PDGFC: variants seen among roughly 807,000 people sequenced by gnomAD.
The protein encoded by PDGFC is platelet derived growth factor C.
A neutral mutation model predicts 35.5 loss-of-function variants in PDGFC; 12 were observed. The observed-to-expected ratio is 0.34, with a 90% CI of 0.22 to 0.55. PDGFC has a LOEUF of 0.55. Ranked by LOEUF, PDGFC falls within the 20% of genes least tolerant of loss-of-function variation. The pLI is 0.91. For missense variants in PDGFC, 322 were observed against 412.4 expected (o/e 0.78, Z 1.90); for synonymous variants, 159 against 148.8 (o/e 1.07, Z -0.50).
chr4:156,821,492 C>T (rs1196479027), intron 2 of PDGFC, among the ~76,000 whole-genome samples: 1 of 151,944 alleles, frequency 6.6e-6, no homozygotes, highest in African/African-American at 2.4e-5. Flanking sequence ...ACTCCCACCT[C>T]GGCCGCCCAA....
At position 156,814,579 on chromosome 4, in the gene PDGFC, T is replaced by A. The variant is rs561938633; in HGVS notation, c.315-3562A>T. The stretch of plus-strand genomic sequence containing the variant: ...ATTTTCTTGAGACCATTTTTCAAAA[T>A]AACCATTTTAATCTTCCTAATAAAA... On this transcript the variant is annotated intron_variant, in intron 2 of 5. Transcript: ENST00000502773. 3.3e-5 allele frequency among the ~76,000 whole-genome samples: 5 copies of A among 152,220 alleles called. 1 individual carries two copies. In the South Asian group the frequency reaches 1.0e-3, roughly 32 times the overall value.
At position 156,880,766 on chromosome 4, in the gene PDGFC, A is replaced by T. The variant is rs138061052; in HGVS notation, c.119-30350T>A. 2.4e-3 allele frequency among the ~76,000 whole-genome samples: 363 copies of T among 152,308 alleles called. 1 individual carries two copies. Among genetic ancestry groups the T allele is most frequent in the African/African-American group, 8.4e-3 (349 of 41,566 alleles). ...AATAAAAAGAGATGTGAAAATAGCA[A>T]GAGAAAGAAATTTAGAAGTGGAGCC... On this transcript the variant is annotated intron_variant, in intron 1 of 5. Coordinates refer to ENST00000502773, the MANE Select transcript of PDGFC (RefSeq NM_016205.3).
intron 1 of PDGFC, among the ~76,000 whole-genome samples, chr4:156,917,381 A>T (rs1731177476): frequency 6.6e-6 from 1 of 152,182 alleles, no homozygotes; most frequent in African/African-American, 2.4e-5. Flanking sequence ...TGAACTTCTG[A>T]GATAAGGCAG....
At chr4:156,961,257 A>T (rs1300040406) in intron 1 of PDGFC, among the ~76,000 whole-genome samples, 1 of 152,112 alleles carries the variant, frequency 6.6e-6, no homozygotes, top group Non-Finnish European at 1.5e-5. Context: ...AATTATGACT[A>T]CTTAAAAGAC....
intron 1 of PDGFC, among the ~76,000 whole-genome samples, chr4:156,920,644 A>AACACACACAT (rs1731251497): frequency 7.6e-6 from 1 of 132,002 alleles, no homozygotes; most frequent in East Asian, 2.2e-4. Flanking sequence ...AGGAAAAGAA[A>AACACACACAT]ACACACACAC....
In PDGFC at chr4:156,900,683, A is replaced by C. The variant is rs370869100; in HGVS notation, c.119-50267T>G. Among the ~76,000 whole-genome samples, 9 of 152,206 alleles carry C rather than the reference A, an allele frequency of 5.9e-5. No individual in the cohort carries two copies. In the East Asian group the frequency reaches 1.2e-3, roughly 20 times the overall value. ...TGGCAAAACATCATCTCTACAAAAA[A>C]TATTTTAAAAATTAGCTGGGCATGG... On this transcript the variant is annotated intron_variant, in intron 1 of 5. Transcript: ENST00000502773.
At chr4:156,872,538 A>G (rs1007762725) in intron 1 of PDGFC, among the ~76,000 whole-genome samples, 4 of 152,180 alleles carry the variant, frequency 2.6e-5, no homozygotes, top group Non-Finnish European at 5.9e-5. Flanking sequence ...CCTGATGCAC[A>G]TCCTTCAGAC....
At chr4:156,867,493 G>C (rs1361273776) in intron 1 of PDGFC, among the ~76,000 whole-genome samples, 1 of 152,182 alleles carries the variant, frequency 6.6e-6, no homozygotes, top group Non-Finnish European at 1.5e-5. Flanking sequence ...TGATGGTCAT[G>C]GTAGTGAAAG....
At chr4:156,834,240 A>G (rs1729010247) in intron 2 of PDGFC, among the ~76,000 whole-genome samples, 1 of 152,154 alleles carries the variant, frequency 6.6e-6, no homozygotes. Flanking sequence ...GAGTGTCACA[A>G]TTTGCAGCAT....
At chr4:156,962,867 T>C (rs1272508249) in intron 1 of PDGFC, among the ~76,000 whole-genome samples, 1 of 152,098 alleles carries the variant, frequency 6.6e-6, no homozygotes, top group African/African-American at 2.4e-5. Context: ...GAGTCATTAT[T>C]AAGCAATGCA....
At chr4:156,906,213 T>A (rs1730912346) in intron 1 of PDGFC, among the ~76,000 whole-genome samples, 1 of 152,132 alleles carries the variant, frequency 6.6e-6, no homozygotes. Context: ...TACAAATCAC[T>A]TAAAAATACT....
At chr4:156,804,634 A>T (rs1391773518) in intron 3 of PDGFC, among the ~76,000 whole-genome samples, 3 of 152,010 alleles carry the variant, frequency 2.0e-5, no homozygotes, top group Non-Finnish European at 4.4e-5. Context: ...GTTATCAGAG[A>T]CCAAGGGAGA....
intron 1 of PDGFC, among the ~76,000 whole-genome samples, chr4:156,951,688 A>G (rs1041566207): frequency 1.3e-5 from 2 of 151,374 alleles, no homozygotes; most frequent in Non-Finnish European, 1.5e-5. Context: ...GGTCCTTCTT[A>G]ATTTAGCTAA....
chr4:156,765,477 C>A (rs1356966708), intron 5 of PDGFC, among the ~76,000 whole-genome samples: 1 of 152,116 alleles, frequency 6.6e-6, no homozygotes, highest in Non-Finnish European at 1.5e-5. Context: ...TTGCTCAACA[C>A]GTTCAAACAA....
At chr4:156,824,414 A>G (rs879638205) in intron 2 of PDGFC, among the ~76,000 whole-genome samples, 1 of 151,028 alleles carries the variant, frequency 6.6e-6, no homozygotes, top group Admixed American at 6.6e-5. Flanking sequence ...ACATATATAC[A>G]CACACACATA....
intron 1 of PDGFC, among the ~76,000 whole-genome samples, chr4:156,865,691 T>G (rs7687106): frequency 0.13 from 20,524 of 152,124 alleles, 1,706 homozygotes; most frequent in African/African-American, 0.23. Flanking sequence ...ATAAAAATCG[T>G]GAACCCCACC....
intron 1 of PDGFC, among the ~76,000 whole-genome samples, chr4:156,859,937 T>C (rs894764548): frequency 6.6e-6 from 1 of 152,178 alleles, no homozygotes; most frequent in African/African-American, 2.4e-5. Flanking sequence ...TTAAGTATCC[T>C]TTATTCTAGA....
At position 156,882,264 on chromosome 4, in the gene PDGFC, A is replaced by C. The variant is rs1048550611; in HGVS notation, c.119-31848T>G. ...ACCTAACTTTGAATTTTGTGTAGTT[A>C]TTCATAATTCTAATCAAAGAATGCT... On this transcript the variant is annotated intron_variant, in intron 1 of 5. Transcript: ENST00000502773. 2.0e-5 allele frequency among the ~76,000 whole-genome samples: 3 copies of C among 152,202 alleles called. No individual in the cohort carries two copies. In the South Asian group the frequency reaches 6.2e-4, roughly 31 times the overall value.
At chr4:156,953,055 A>G (rs1732120302) in intron 1 of PDGFC, among the ~76,000 whole-genome samples, 1 of 151,994 alleles carries the variant, frequency 6.6e-6, no homozygotes, top group African/African-American at 2.4e-5. Flanking sequence ...CACAATGTTT[A>G]AATAACTGAA....
Sources: allele counts gnomAD v4.1 joint callset (sites outside exome capture counted in the v4.1 genomes callset), GRCh38; gene constraint gnomAD v4.1.1; transcripts MANE v1.5; gene names NCBI Gene and HGNC (gene_info 2026-07-23, HGNC 2026-07-21).